Variants in RPL22 observed in about 807,000 individuals in gnomAD.
The protein encoded by RPL22 is ribosomal protein L22.
In RPL22, 4 loss-of-function variants were observed where a neutral mutation model predicts 16.2. The ratio of observed to expected loss-of-function variants is 0.25; its 90% CI spans 0.12 to 0.57. The LOEUF is 0.57. RPL22 is among the 20% of genes least tolerant of loss of function. RPL22 has a pLI of 0.92. For missense variants in RPL22, 83 were observed against 156.1 expected (o/e 0.53, Z 2.49); for synonymous variants, 43 against 54.8 (o/e 0.78, Z 0.95).
chr1:6,186,728 C>T lies in RPL22; in HGVS notation c.331G>A (p.Glu111Lys), dbSNP rs781498088. 1 of 1,592,704 alleles carries T rather than the reference C, an allele frequency of 6.3e-7. No homozygotes were observed. The highest frequency in any genetic ancestry group is 1.9e-4 in the Middle Eastern group (1 of 5,372). ...TGGTTAATCTGGAAGTAACGTAATT[C>T]GTAACTCTCTTTGCTGTTAGCAACT... ...RVVANSKESY[E>K]LRYFQINQDE... is the part of the protein sequence containing the mutation. The change falls in exon 4 of 4, where the codon GAA (glutamate) becomes AAA (lysine). Residue 111 changes from glutamate to lysine, a missense_variant. By Grantham distance (56) the Glu-to-Lys change is moderately conservative (BLOSUM62 1). Coordinates refer to ENST00000234875, the MANE Select transcript of RPL22 (RefSeq NM_000983.4).
Position 6,199,590 on chromosome 1 carries a change from G to GT in RPL22, c.-18_-17insA, listed in dbSNP as rs1667771418. On this transcript the variant is annotated 5_prime_UTR_variant, in exon 1 of 4. Transcript: ENST00000234875. ...AGGAGCCATGGCGGCAGCGGAGTTA[G>GT]AAAGGGAGGTGAGCGAACTACGCAG... 8 of 1,567,280 alleles carry GT rather than the reference G, an allele frequency of 5.1e-6. No homozygotes were observed. In the South Asian group the frequency reaches 9.4e-5, roughly 18 times the overall value.
chr1:6,192,752 A>G (rs1409387395), intron 3 of RPL22, among the ~76,000 whole-genome samples, 178 bp downstream of exon 3: 3 of 152,178 alleles, frequency 2.0e-5, no homozygotes, highest in Non-Finnish European at 4.4e-5. Context: ...AAACCACCAA[A>G]AGTTGACTAT....
In RPL22 at chr1:6,197,708, A is replaced by AC; in HGVS notation, c.60dup (p.Phe21ValfsTer4). 1.2e-6 allele frequency: 2 copies of AC among 1,614,060 alleles called. No individual in the cohort carries two copies. Among genetic ancestry groups the AC allele is most frequent in the Non-Finnish European group, 1.7e-6 (2 of 1,179,964 alleles). On this transcript the variant is annotated frameshift_variant, in exon 2 of 4. Coordinates refer to ENST00000234875, the MANE Select transcript of RPL22 (RefSeq NM_000983.4). LOFTEE classifies it high-confidence loss of function. ...ACAGGGTGGGTGCAATCAAGAGTGA[A>AC]CTTCAGAACTTGCTTCTTTTTTTTG...
intron 2 of RPL22, among the ~76,000 whole-genome samples, chr1:6,193,311 G>A (rs1465804471): frequency 6.8e-6 from 1 of 147,096 alleles, no homozygotes; most frequent in Admixed American, 6.8e-5. Context: ...CCTGGCCCCA[G>A]CTGACTTTAC....
intron 3 of RPL22, among the ~76,000 whole-genome samples, chr1:6,190,461 ACC>A (rs1297137460): frequency 6.6e-6 from 1 of 151,954 alleles, no homozygotes; most frequent in Non-Finnish European, 1.5e-5. Flanking sequence ...GCTCACCGCA[ACC>A]TCCGCCTCCC....
Position 6,186,014 on chromosome 1 carries a change from A to C in RPL22, c.*658T>G. The C allele has an allele frequency of 4.3e-6, 1 of 230,770 alleles. No individual in the cohort carries two copies. Among genetic ancestry groups the C allele is most frequent in the Non-Finnish European group, 8.6e-6 (1 of 116,474 alleles). The allele number at this position is 230,770 out of a possible 1,614,324, so 14.3% of individuals were successfully genotyped here. On this transcript the variant is annotated 3_prime_UTR_variant, in exon 4 of 4. Transcript: ENST00000234875. ...ACGAAAGTGACAGTTTGTTGCAAAG[A>C]CCTGTAGAAACATTACTTACACGTT...
intron 3 of RPL22, among the ~76,000 whole-genome samples, chr1:6,188,049 T>C (rs1667604304): frequency 6.6e-6 from 1 of 151,498 alleles, no homozygotes; most frequent in Non-Finnish European, 1.5e-5. Flanking sequence ...ACAGGGATCA[T>C]TTAAAAACTC....
chr1:6,197,828 A>T, intron 1 of RPL22, 72 bp from the exon 2 acceptor site: 3 of 1,092,668 alleles, frequency 2.7e-6, no homozygotes, highest in Non-Finnish European at 4.2e-6. Context: ...ACAGAACCAG[A>T]AACGTCATAG....
At position 6,185,464 on chromosome 1, in the gene RPL22, G is replaced by A. The variant is rs138368160; in HGVS notation, c.*1208C>T. On this transcript the variant is annotated 3_prime_UTR_variant, in exon 4 of 4. Coordinates refer to ENST00000234875, the MANE Select transcript of RPL22 (RefSeq NM_000983.4). Reference sequence around the variant, plus strand: ...AAGTGAAATTGCAAAGCCTCAACACGTTCAACTCAATCCACAGAGCACCAA... The same window carrying A: ...AAGTGAAATTGCAAAGCCTCAACACATTCAACTCAATCCACAGAGCACCAA... 4.4e-4 allele frequency: 176 copies of A among 398,176 alleles called. No homozygotes were observed. Among genetic ancestry groups the A allele is most frequent in the African/African-American group, 3.2e-3 (156 of 48,732 alleles). 24.7% of individuals were successfully genotyped at this position (398,176 alleles called of 1,614,324 possible).
At chr1:6,193,566 G>A (rs1158201823) in intron 2 of RPL22, among the ~76,000 whole-genome samples, 2 of 151,830 alleles carry the variant, frequency 1.3e-5, no homozygotes, top group Non-Finnish European at 2.9e-5. Context: ...CAGGTGATTC[G>A]TCCACCTCTG....
chr1:6,196,425 T>C (rs1323270127), intron 2 of RPL22, among the ~76,000 whole-genome samples: 7 of 152,206 alleles, frequency 4.6e-5, no homozygotes, highest in Non-Finnish European at 1.0e-4. Flanking sequence ...AAACAGCATC[T>C]ACATAAAGGC....
In RPL22 at chr1:6,186,430, T is replaced by C. The variant is rs1667582483; in HGVS notation, c.*242A>G. The C allele has an allele frequency of 5.0e-6, 2 of 396,848 alleles. No homozygotes were observed. Among genetic ancestry groups the C allele is most frequent in the Non-Finnish European group, 4.5e-6 (1 of 220,452 alleles). 24.6% of individuals were successfully genotyped at this position (396,848 alleles called of 1,614,324 possible). A position where few individuals can be genotyped will look rare whatever the true frequency, so the allele number is the denominator to read the frequency against. ...CACCCGCATCTGCCTCCCCAATGGC[T>C]GTCAGTTCGGTAAAGTCACCCTCTC... On this transcript the variant is annotated 3_prime_UTR_variant, in exon 4 of 4. Coordinates refer to ENST00000234875, the MANE Select transcript of RPL22 (RefSeq NM_000983.4).
At chr1:6,195,789 G>A (rs58275601) in intron 2 of RPL22, among the ~76,000 whole-genome samples, 18,705 of 150,476 alleles carry the variant, frequency 0.12, 1,985 homozygotes, top group African/African-American at 0.28. Flanking sequence ...ATGGCCAGGC[G>A]CAGTGGCTCA....
In RPL22 at chr1:6,185,391, T is replaced by C. The variant is rs1667571482; in HGVS notation, c.*1281A>G. 2.5e-6 allele frequency: 1 copy of C among 398,950 alleles called. No homozygotes were observed. The highest frequency in any genetic ancestry group is 1.3e-4 in the South Asian group (1 of 7,866). 24.7% of individuals were successfully genotyped at this position (398,950 alleles called of 1,614,324 possible). On this transcript the variant is annotated 3_prime_UTR_variant, in exon 4 of 4. Coordinates refer to ENST00000234875, the MANE Select transcript of RPL22 (RefSeq NM_000983.4). ...AGAAGAAATATGCAAGCAATTCTGC[T>C]TCAAAGAAATTTGCATAGAAATGGA...
intron 3 of RPL22, 124 bp downstream of exon 3, chr1:6,192,806 A>AGCGG (rs1667669293): frequency 4.3e-6 from 5 of 1,167,164 alleles, no homozygotes; most frequent in African/African-American, 1.6e-5. Context: ...TCCTGCACTG[A>AGCGG]GCATAGTTCC....
At chr1:6,196,726 A>C (rs1034070325) in intron 2 of RPL22, among the ~76,000 whole-genome samples, 4 of 152,120 alleles carry the variant, frequency 2.6e-5, no homozygotes, top group African/African-American at 4.8e-5. Flanking sequence ...GGATAGAGGA[A>C]TATTGGGGAA....
At chr1:6,199,398 C>T (rs1667765581) in intron 1 of RPL22, 164 bp downstream of exon 1, 5 of 1,357,040 alleles carry the variant, frequency 3.7e-6, no homozygotes, top group Non-Finnish European at 4.8e-6. Flanking sequence ...CCGCCTACAA[C>T]GTGCTGGGAT....
rs144337052 is a variant in RPL22 at position 6,197,086 on chromosome 1, A to G, written c.117+566T>C. Among the ~76,000 whole-genome samples, 493 of 152,232 alleles carry G rather than the reference A, an allele frequency of 3.2e-3. 5 individuals carry two copies. The highest frequency in any genetic ancestry group is 0.012 in the African/African-American group (481 of 41,544). ...GCACTATCTCCCAGGATGGAGTGCA[A>G]TGGTGCGATCTCTGCTCACTGCCAC... is the stretch of plus-strand genomic sequence containing the variant. On this transcript the variant is annotated intron_variant, in intron 2 of 3. Transcript: ENST00000234875.
chr1:6,197,123 G>A (rs1231582902), intron 2 of RPL22, among the ~76,000 whole-genome samples: 2 of 152,182 alleles, frequency 1.3e-5, no homozygotes, highest in African/African-American at 4.8e-5. Flanking sequence ...TCCGCCTCCC[G>A]TGTTCACGCG....
Sources: gnomAD v4.1 joint callset for allele counts (sites outside exome capture counted in the v4.1 genomes callset) on GRCh38, gnomAD v4.1.1 for gene constraint, MANE v1.5 for transcripts, NCBI Gene and HGNC (gene_info 2026-07-23, HGNC 2026-07-21) for gene names.